The following NRG1 variants were observed in gnomAD, a reference collection of about 807,000 sequenced individuals.
NRG1 encodes the protein neuregulin 1, also known as pro-neuregulin-1, membrane-bound isoform.
In NRG1, 18 loss-of-function variants were observed where a neutral mutation model predicts 63.8. The ratio of observed to expected loss-of-function variants is 0.28; its 90% CI spans 0.19 to 0.42. The LOEUF (loss-of-function observed/expected upper bound fraction) is 0.42, where lower values mean the gene tolerates loss of function less well. Among genes scored for constraint, NRG1 ranks in the 10% least tolerant of loss-of-function variants. The pLI is 1.00. For synonymous variants in NRG1, 302 were observed against 301.3 expected (o/e 1.00, Z -0.02); for missense variants, 762 against 814.7 (o/e 0.94, Z 0.79).
upstream of NRG1, among the ~76,000 whole-genome samples, chr8:32,546,005 A>G (rs573542635): frequency 3.3e-4 from 50 of 152,134 alleles, no homozygotes; most frequent in African/African-American, 1.1e-3. Context: ...CCCTCCCTTC[A>G]TATTCATTCA....
At chr8:31,728,215 G>C (rs1340459999) in intron 1 of NRG1, among the ~76,000 whole-genome samples, 1 of 152,158 alleles carries the variant, frequency 6.6e-6, no homozygotes, top group East Asian at 1.9e-4. Flanking sequence ...TGTAATCCCA[G>C]CACTTTGGGA....
chr8:32,723,015 AT>A (rs1320503261), intron 5 of NRG1, among the ~76,000 whole-genome samples: 1 of 152,198 alleles, frequency 6.6e-6, no homozygotes, highest in Admixed American at 6.5e-5. Flanking sequence ...TATATGTAAC[AT>A]TTCAGTCTGG....
At chr8:32,355,679 A>C (rs567984917) in intron 1 of NRG1, among the ~76,000 whole-genome samples, 32 of 151,614 alleles carry the variant, frequency 2.1e-4, no homozygotes, top group African/African-American at 7.5e-4. Context: ...GAAAAAAAAA[A>C]CTGAGTAAAA....
chr8:32,010,617 G>A (rs1814595855), intron 1 of NRG1, among the ~76,000 whole-genome samples: 1 of 151,992 alleles, frequency 6.6e-6, no homozygotes, highest in South Asian at 2.1e-4. Context: ...TGCTTAAAGT[G>A]TCAATCAGTC....
At chr8:31,869,782 A>T (rs921811154) in intron 1 of NRG1, among the ~76,000 whole-genome samples, 10 of 152,204 alleles carry the variant, frequency 6.6e-5, no homozygotes, top group African/African-American at 2.4e-4. Flanking sequence ...AAGTGATGGT[A>T]CAAAAGCCCA....
At chr8:31,806,087 T>C (rs1822257459) in intron 1 of NRG1, among the ~76,000 whole-genome samples, 1 of 152,112 alleles carries the variant, frequency 6.6e-6, no homozygotes, top group Non-Finnish European at 1.5e-5. Context: ...CTGGAGCAAA[T>C]TATATTTGAT....
intron 1 of NRG1, among the ~76,000 whole-genome samples, chr8:32,154,377 C>T (rs1317291650): frequency 6.6e-6 from 1 of 151,814 alleles, no homozygotes; most frequent in African/African-American, 2.4e-5. Flanking sequence ...TCCTGCCTTC[C>T]TTTCTCCCAC....
chr8:32,275,845 G>A (rs181123082), intron 1 of NRG1, among the ~76,000 whole-genome samples: 13,082 of 152,070 alleles, frequency 0.086, 624 homozygotes, highest in African/African-American at 0.12. Flanking sequence ...ACCATGCTTT[G>A]AGTAGCAGAG....
intron 1 of NRG1, among the ~76,000 whole-genome samples, chr8:32,483,014 C>T (rs962353877): frequency 2.0e-5 from 3 of 152,212 alleles, no homozygotes; most frequent in Non-Finnish European, 4.4e-5. Context: ...CTTAGGTTGC[C>T]AGGTGTCTTC....
At chr8:31,807,975 G>GTGTGTGTA (rs1554538758) in intron 1 of NRG1, among the ~76,000 whole-genome samples, 1 of 143,856 alleles carries the variant, frequency 7.0e-6, no homozygotes, top group Non-Finnish European at 1.5e-5. Context: ...GTGTGTGTGT[G>GTGTGTGTA]TATCACATTT....
intron 1 of NRG1, among the ~76,000 whole-genome samples, chr8:32,569,035 G>A (rs1420813692): frequency 6.6e-6 from 1 of 151,878 alleles, no homozygotes; most frequent in East Asian, 1.9e-4. Context: ...AATCAGCCAA[G>A]ATCATTTTTT....
At chr8:32,395,720 G>T (rs1377428908) in intron 1 of NRG1, among the ~76,000 whole-genome samples, 2 of 151,890 alleles carry the variant, frequency 1.3e-5, no homozygotes, top group Non-Finnish European at 1.5e-5. Flanking sequence ...ATCTTTTGCA[G>T]GAAAGATGTT....
At chr8:32,392,188 G>A (rs998795197) in intron 1 of NRG1, among the ~76,000 whole-genome samples, 5 of 152,152 alleles carry the variant, frequency 3.3e-5, no homozygotes, top group Non-Finnish European at 7.4e-5. Context: ...CCACCAATAA[G>A]GGGACCATAT....
At chr8:32,263,473 C>A (rs761315140) in intron 1 of NRG1, among the ~76,000 whole-genome samples, 1 of 152,136 alleles carries the variant, frequency 6.6e-6, no homozygotes. Flanking sequence ...GTGAGAGCCC[C>A]CCATCCTGCT....
chr8:32,583,277 G>A (rs4311627), intron 1 of NRG1, among the ~76,000 whole-genome samples: 14,259 of 152,002 alleles, frequency 0.094, 1,799 homozygotes, highest in East Asian at 0.58. Context: ...TATTGAAATA[G>A]GTGTGGCAGG....
At position 32,761,560 on chromosome 8, in the gene NRG1, AATTTTATTTTATTTTATTTTATTTT is replaced by A. The variant is rs10566697; in HGVS notation, c.1259+1183_1259+1207del. ...TACCTGTTTGTTTGCAAGTCCGCTG[AATTTTATTTTATTTTATTTTATTTT>A]ATTTTATTTTATTTTATTTTATTTT... On this transcript the variant is annotated intron_variant, in intron 11 of 11. Coordinates refer to ENST00000356819, the Ensembl canonical transcript of NRG1. 1.2e-4 allele frequency among the ~76,000 whole-genome samples: 16 copies of A among 138,614 alleles called. 1 individual carries two copies. Among genetic ancestry groups the A allele is most frequent in the South Asian group, 7.2e-4 (3 of 4,194 alleles). 90.9% of individuals were successfully genotyped at this position (138,614 alleles called of 152,430 possible).
chr8:32,347,303 C>T (rs966372039), intron 1 of NRG1, among the ~76,000 whole-genome samples: 1 of 152,094 alleles, frequency 6.6e-6, no homozygotes, highest in Non-Finnish European at 1.5e-5. Context: ...TTATTTACCC[C>T]TGCTCTTCTC....
At chr8:32,122,576 A>C (rs568032573) in intron 1 of NRG1, among the ~76,000 whole-genome samples, 1 of 152,068 alleles carries the variant, frequency 6.6e-6, no homozygotes, top group East Asian at 1.9e-4. Flanking sequence ...ATTGCTGTAC[A>C]TATTGACAGA....
intron 1 of NRG1, among the ~76,000 whole-genome samples, chr8:32,242,205 A>G (rs1300376438): frequency 6.6e-6 from 1 of 152,274 alleles, no homozygotes; most frequent in African/African-American, 2.4e-5. Context: ...GCCAGGCACA[A>G]TGGCTCATGC....
Sources: gnomAD v4.1 joint callset for allele counts (sites outside exome capture counted in the v4.1 genomes callset) on GRCh38, gnomAD v4.1.1 for gene constraint, MANE v1.5 for transcripts, NCBI Gene and HGNC (gene_info 2026-07-23, HGNC 2026-07-21) for gene names.